Variants in SHANK2 observed in about 807,000 individuals in gnomAD.
SHANK2 encodes the protein SH3 and multiple ankyrin repeat domains 2.
In SHANK2, 43 loss-of-function variants were observed where a neutral mutation model predicts 133.7. The ratio of observed to expected loss-of-function variants is 0.32; its 90% CI spans 0.25 to 0.41. The LOEUF is 0.41. SHANK2 is among the 10% of genes least tolerant of loss of function. The pLI is 1.00. For synonymous variants in SHANK2, 1,017 were observed against 952.8 expected (o/e 1.07, Z -1.24); for missense variants, 1,994 against 2,235.8 (o/e 0.89, Z 2.18).
intron 17 of SHANK2, among the ~76,000 whole-genome samples, chr11:70,526,551 A>T (rs1245461513): frequency 6.6e-6 from 1 of 152,150 alleles, no homozygotes; most frequent in East Asian, 1.9e-4. Flanking sequence ...CCCCTGTGTG[A>T]ATACTCATGG....
intron 17 of SHANK2, among the ~76,000 whole-genome samples, chr11:70,541,627 G>A (rs542744753): frequency 3.3e-5 from 5 of 152,256 alleles, no homozygotes; most frequent in Non-Finnish European, 5.9e-5. Context: ...CTGAGAGCCC[G>A]GTTTATGGCC....
At chr11:70,676,498 G>A (rs1189531714) in intron 15 of SHANK2, among the ~76,000 whole-genome samples, 2 of 152,206 alleles carry the variant, frequency 1.3e-5, no homozygotes, top group African/African-American at 4.8e-5. Flanking sequence ...CCACCATGAG[G>A]GAGAGGCCAA....
chr11:70,830,104 G>A lies in SHANK2; in HGVS notation c.1175-9422C>T, dbSNP rs967918865. 1.3e-5 allele frequency among the ~76,000 whole-genome samples: 2 copies of A among 152,198 alleles called. No homozygotes were observed. The highest frequency in any genetic ancestry group is 4.8e-5 in the African/African-American group (2 of 41,444). ...CTCATTTGCCAAGAAGTCTGGCGCT[G>A]AAGGCACAGACTCTGCCCCGACAAA... is the stretch of plus-strand genomic sequence containing the variant. On this transcript the variant is annotated intron_variant, in intron 11 of 25. Coordinates refer to ENST00000601538, the MANE Select transcript of SHANK2 (RefSeq NM_012309.5). This position sits in a 1 kb window ranked among gnomAD's most constrained non-coding sequence, Gnocchi z 4.4.
At chr11:70,544,272 C>T (rs1329528523) in intron 17 of SHANK2, among the ~76,000 whole-genome samples, 1 of 152,180 alleles carries the variant, frequency 6.6e-6, no homozygotes, top group Middle Eastern at 3.2e-3. Flanking sequence ...TCAGTGTCCT[C>T]ATCTGGAAAA....
intron 14 of SHANK2, among the ~76,000 whole-genome samples, chr11:70,756,725 C>T (rs990556398): frequency 2.0e-5 from 3 of 152,336 alleles, no homozygotes; most frequent in Admixed American, 2.0e-4. Flanking sequence ...GGCAGCCCCA[C>T]ACCCCTATCA....
At chr11:70,543,678 C>T (rs536760848) in intron 17 of SHANK2, among the ~76,000 whole-genome samples, 19 of 152,344 alleles carry the variant, frequency 1.2e-4, no homozygotes, top group African/African-American at 4.6e-4. Context: ...TCCCTCCATT[C>T]TGTGAGCTGC....
In SHANK2 at chr11:70,647,841, G is replaced by A. The variant is rs185460977; in HGVS notation, c.2061+11987C>T. On this transcript the variant is annotated intron_variant, in intron 17 of 25. Coordinates refer to ENST00000601538, the MANE Select transcript of SHANK2 (RefSeq NM_012309.5). ...ACTGAACACCCGCCCATCCCACCCC[G>A]GATGGGGACTCTGGGGTGTGCATCA... is the stretch of plus-strand genomic sequence containing the variant. 1.2e-4 allele frequency among the ~76,000 whole-genome samples: 18 copies of A among 144,506 alleles called. No homozygotes were observed. In the East Asian group the frequency reaches 2.1e-3, roughly 17 times the overall value. 94.8% of individuals were successfully genotyped at this position (144,506 alleles called of 152,430 possible).
intron 9 of SHANK2, among the ~76,000 whole-genome samples, chr11:71,064,944 T>G (rs1420573130): frequency 1.3e-5 from 2 of 151,912 alleles, no homozygotes; most frequent in African/African-American, 2.4e-5. Flanking sequence ...CTCTTGGGGT[T>G]TTCTAGAAGG....
intron 2 of SHANK2, among the ~76,000 whole-genome samples, chr11:71,221,645 T>C (rs890836295): frequency 3.9e-5 from 6 of 152,192 alleles, no homozygotes; most frequent in East Asian, 1.9e-4. Context: ...AATTGCAACA[T>C]TGTCAATTAA....
intron 17 of SHANK2, among the ~76,000 whole-genome samples, chr11:70,560,022 C>A (rs1046688177): frequency 6.6e-6 from 1 of 152,152 alleles, no homozygotes; most frequent in Admixed American, 6.5e-5. Context: ...CGGGCACACA[C>A]CACCACGCCA....
At chr11:70,812,004 G>A (rs371281913) in intron 12 of SHANK2, among the ~76,000 whole-genome samples, 22 of 152,344 alleles carry the variant, frequency 1.4e-4, no homozygotes, top group East Asian at 3.9e-4. Context: ...TCAAAAAAGC[G>A]GATGATCAGG....
intron 14 of SHANK2, among the ~76,000 whole-genome samples, chr11:70,788,107 G>C (rs995993702): frequency 8.5e-5 from 13 of 152,214 alleles, no homozygotes; most frequent in African/African-American, 2.9e-4. Flanking sequence ...ACATGATATG[G>C]CTCCCGAGGG....
At chr11:70,827,260 CTTT>C (rs34414800) in intron 11 of SHANK2, among the ~76,000 whole-genome samples, 3 of 137,218 alleles carry the variant, frequency 2.2e-5, no homozygotes, top group Non-Finnish European at 4.7e-5. Flanking sequence ...CCCCCTCCTA[CTTT>C]TTTTTTTTTT....
intron 12 of SHANK2, among the ~76,000 whole-genome samples, chr11:70,810,262 AG>A (rs781989055): frequency 2.2e-4 from 34 of 152,182 alleles, no homozygotes; most frequent in Non-Finnish European, 4.1e-4. Context: ...CCCACCTGAG[AG>A]GCTTCCCTGC....
At chr11:70,532,363 T>G (rs1554973391) in intron 17 of SHANK2, among the ~76,000 whole-genome samples, 1 of 152,226 alleles carries the variant, frequency 6.6e-6, no homozygotes, top group Admixed American at 6.5e-5. Flanking sequence ...CCCCCCATGC[T>G]GTGCACAGCT....
intron 17 of SHANK2, among the ~76,000 whole-genome samples, chr11:70,563,350 A>T (rs2059931162): frequency 6.6e-6 from 1 of 151,226 alleles, no homozygotes; most frequent in African/African-American, 2.4e-5. Flanking sequence ...GTACACTTCC[A>T]CTCTTCCCCT....
intron 2 of SHANK2, among the ~76,000 whole-genome samples, chr11:71,163,093 A>AAAAAAACATATATATATATATAT: frequency 1.2e-5 from 1 of 84,678 alleles, no homozygotes; most frequent in Non-Finnish European, 2.5e-5. Flanking sequence ...AAAAAAAAAA[A>AAAAAAACATATATATATATATAT]ATACATATAT....
chr11:71,065,782 GGT>G (rs1951046753), intron 9 of SHANK2, among the ~76,000 whole-genome samples: 1 of 129,686 alleles, frequency 7.7e-6, no homozygotes, highest in Non-Finnish European at 1.6e-5. Context: ...GGGGAGGAGG[GGT>G]ACAGAACTCT....
At chr11:70,948,011 C>T (rs1294991648) in intron 10 of SHANK2, among the ~76,000 whole-genome samples, 4 of 152,100 alleles carry the variant, frequency 2.6e-5, no homozygotes, top group Admixed American at 1.3e-4. Context: ...AGTCTCCTGG[C>T]TGCTTCCCAC....
Sources: allele counts gnomAD v4.1 joint callset (sites outside exome capture counted in the v4.1 genomes callset), GRCh38; gene constraint gnomAD v4.1.1; non-coding constraint Gnocchi (gnomAD v3.1); transcripts MANE v1.5; gene names NCBI Gene and HGNC (gene_info 2026-07-23, HGNC 2026-07-21).